CCDC102B: variants seen among roughly 807,000 people sequenced by gnomAD.
CCDC102B encodes the protein coiled-coil domain containing 102B.
A neutral mutation model predicts 57.4 loss-of-function variants in CCDC102B; 75 were observed. The ratio of observed to expected loss-of-function variants is 1.31; its 90% CI spans 1.08 to 1.58. CCDC102B has a LOEUF of 1.58. Among genes scored for constraint, CCDC102B ranks in the 40% most tolerant of loss-of-function variants. CCDC102B has a pLI of 0.00. For synonymous variants in CCDC102B, 206 were observed against 201.9 expected (o/e 1.02, Z -0.17); for missense variants, 636 against 582.6 (o/e 1.09, Z -0.94).
At chr18:68,798,817 A>G (rs1037549908) in intron 1 of CCDC102B, among the ~76,000 whole-genome samples, 1 of 152,104 alleles carries the variant, frequency 6.6e-6, no homozygotes, top group Admixed American at 6.6e-5. Context: ...GAAGTAAATT[A>G]TAAAACTGAA....
At chr18:68,819,766 T>C (rs556263723) in intron 1 of CCDC102B, among the ~76,000 whole-genome samples, 1 of 152,034 alleles carries the variant, frequency 6.6e-6, no homozygotes, top group Non-Finnish European at 1.5e-5. Context: ...GAGTGTATTG[T>C]AGTTTATAGG....
At chr18:69,021,529 A>C (rs1365573581) in intron 7 of CCDC102B, among the ~76,000 whole-genome samples, 1 of 152,206 alleles carries the variant, frequency 6.6e-6, no homozygotes, top group Admixed American at 6.5e-5. Context: ...TGGAATATAC[A>C]TGATTTCTTC....
Position 69,054,020 on chromosome 18 carries a change from T to G in CCDC102B, c.1435-10T>G. ...GAACCTAACTAAAGCATTTTCTACTTCGCTTTCAGCTTGATGATTCCCTGA... is the reference window on the plus strand; with the variant it reads ...GAACCTAACTAAAGCATTTTCTACTGCGCTTTCAGCTTGATGATTCCCTGA... On this transcript the variant is annotated splice_polypyrimidine_tract_variant and intron_variant, in intron 7 of 7. Transcript: ENST00000360242. 1 of 1,596,784 alleles carries G rather than the reference T, an allele frequency of 6.3e-7. No homozygotes were observed. The highest frequency in any genetic ancestry group is 8.5e-7 in the Non-Finnish European group (1 of 1,174,954).
intron 7 of CCDC102B, among the ~76,000 whole-genome samples, chr18:69,042,187 A>C (rs964272889): frequency 5.9e-5 from 9 of 152,132 alleles, no homozygotes; most frequent in East Asian, 3.9e-4. Context: ...GTAATAAGGA[A>C]ATCATAAAAT....
chr18:68,847,208 CAT>C (rs61405975), intron 4 of CCDC102B, among the ~76,000 whole-genome samples: 50,591 of 151,278 alleles, frequency 0.33, 9,531 homozygotes, highest in East Asian at 0.65. Context: ...TGTGCACAAA[CAT>C]ATACATGGAT....
At chr18:68,873,411 A>C (rs986705655) in intron 4 of CCDC102B, among the ~76,000 whole-genome samples, 8 of 152,080 alleles carry the variant, frequency 5.3e-5, no homozygotes, top group African/African-American at 1.9e-4. Flanking sequence ...ATTGCCTTTT[A>C]GACAATTATT....
chr18:68,964,983 G>T (rs926923657), intron 6 of CCDC102B, among the ~76,000 whole-genome samples: 4 of 151,886 alleles, frequency 2.6e-5, no homozygotes, highest in Admixed American at 2.6e-4. Flanking sequence ...TAGGTAAAGG[G>T]TTATTTTCTC....
intron 6 of CCDC102B, among the ~76,000 whole-genome samples, chr18:69,009,850 C>A (rs2051454324): frequency 6.7e-6 from 1 of 148,662 alleles, no homozygotes; most frequent in Admixed American, 6.8e-5. Flanking sequence ...AAAGAAATAT[C>A]CTTGGGTTTT....
intron 6 of CCDC102B, among the ~76,000 whole-genome samples, chr18:68,913,401 C>T (rs1352430066): frequency 6.7e-6 from 1 of 150,354 alleles, no homozygotes; most frequent in African/African-American, 2.4e-5. Flanking sequence ...ACTCCCAGCA[C>T]TTTGGGAGGC....
In CCDC102B at chr18:68,984,335, T is replaced by C. The variant is rs138090872; in HGVS notation, c.1264-26599T>C. Among the ~76,000 whole-genome samples, 11 of 152,164 alleles carry C rather than the reference T, an allele frequency of 7.2e-5. 1 individual carries two copies. The East Asian group carries it at 2.1e-3, about 29-fold the overall frequency. ...AACAGCTAATACACAAATTCAACTA[T>C]AGAAATGCCATAAATTGCAGAGTAA... On this transcript the variant is annotated intron_variant, in intron 6 of 7. Coordinates refer to ENST00000360242, the MANE Select transcript of CCDC102B (RefSeq NM_024781.3).
In CCDC102B at chr18:68,836,870, C is replaced by G. The variant is rs757086801; in HGVS notation, c.107C>G (p.Pro36Arg). The part of the protein sequence containing the change: ...RGDMVAPASP[P>R]RDTCNTCFPL... ...GACATGGTGGCACCTGCCTCACCCCCCAGGGATACCTGTAATACCTGCTTC... is the reference window on the plus strand; with the variant it reads ...GACATGGTGGCACCTGCCTCACCCCGCAGGGATACCTGTAATACCTGCTTC... Residue 36 changes from proline to arginine, a missense_variant, in exon 2 of 8, where the codon CCC becomes CGC. By Grantham distance (103) the Pro-to-Arg change is moderately radical. Coordinates refer to ENST00000360242, the MANE Select transcript of CCDC102B (RefSeq NM_024781.3). 5 of 1,613,998 alleles carry G rather than the reference C, an allele frequency of 3.1e-6. No individual in the cohort carries two copies. The highest frequency in any genetic ancestry group is 4.2e-6 in the Non-Finnish European group (5 of 1,180,022).
Position 69,011,123 on chromosome 18 carries a change from A to AC in CCDC102B, c.1434+20dup, listed in dbSNP as rs756105679. 11 of 1,606,810 alleles carry AC rather than the reference A, an allele frequency of 6.8e-6. No individual in the cohort carries two copies. In the African/African-American group the frequency reaches 1.5e-4, roughly 22 times the overall value. ...AGATGAGGTACTACTTTATGAGTGA[A>AC]CACGTGCTGGACAGCTTCTAAATAG... On this transcript the variant is annotated intron_variant, in intron 7 of 7. Coordinates refer to ENST00000360242, the MANE Select transcript of CCDC102B (RefSeq NM_024781.3).
intron 6 of CCDC102B, among the ~76,000 whole-genome samples, chr18:68,995,223 T>A (rs1277035567): frequency 1.3e-5 from 2 of 152,098 alleles, no homozygotes; most frequent in Non-Finnish European, 2.9e-5. Flanking sequence ...AGCGTAAAAA[T>A]TTGGGAAATT....
At chr18:68,849,527 T>C (rs1053822000) in intron 4 of CCDC102B, among the ~76,000 whole-genome samples, 2 of 152,082 alleles carry the variant, frequency 1.3e-5, no homozygotes, top group Admixed American at 1.3e-4. Flanking sequence ...CCAGGTCTAT[T>C]TACCACCACT....
At chr18:68,955,617 C>G (rs748154496) in intron 6 of CCDC102B, among the ~76,000 whole-genome samples, 8 of 151,428 alleles carry the variant, frequency 5.3e-5, no homozygotes, top group Non-Finnish European at 8.8e-5. Flanking sequence ...ATTTCTTCAC[C>G]TTTTCCTTTT....
chr18:68,727,841 C>T (rs748954376), intron 2 of CCDC102B, among the ~76,000 whole-genome samples: 3 of 152,186 alleles, frequency 2.0e-5, no homozygotes, highest in African/African-American at 7.2e-5. Flanking sequence ...AGAATTGACA[C>T]AAATAAAATC....
chr18:68,802,737 GAATT>G (rs1002857937), intron 1 of CCDC102B, among the ~76,000 whole-genome samples: 7 of 152,144 alleles, frequency 4.6e-5, no homozygotes, highest in Admixed American at 3.9e-4. Context: ...ATGTTTATCT[GAATT>G]AATATAAATG....
chr18:68,764,754 C>T (rs1224532801), intron 2 of CCDC102B, among the ~76,000 whole-genome samples: 1 of 151,920 alleles, frequency 6.6e-6, no homozygotes, highest in Non-Finnish European at 1.5e-5. Context: ...CACTTTCTAG[C>T]CTAGAATTTA....
intron 7 of CCDC102B, among the ~76,000 whole-genome samples, chr18:69,012,696 G>T (rs1322548841): frequency 6.6e-6 from 1 of 151,900 alleles, no homozygotes; most frequent in East Asian, 1.9e-4. Context: ...TCCAAAATAT[G>T]CATGATTCTC....
Sources: allele counts gnomAD v4.1 joint callset (sites outside exome capture counted in the v4.1 genomes callset), GRCh38; gene constraint gnomAD v4.1.1; transcripts MANE v1.5; gene names NCBI Gene and HGNC (gene_info 2026-07-23, HGNC 2026-07-21).